The following GRM7 variants were observed in gnomAD, a reference collection of about 807,000 sequenced individuals.
GRM7 encodes the protein metabotropic glutamate receptor 7.
In GRM7, 35 loss-of-function variants were observed where a neutral mutation model predicts 84.5. The ratio of observed to expected loss-of-function variants is 0.41; its 90% CI spans 0.32 to 0.55. The LOEUF (loss-of-function observed/expected upper bound fraction) is 0.55. Ranked by LOEUF, GRM7 falls within the 20% of genes least tolerant of loss-of-function variation. GRM7 has a pLI of 0.19. For synonymous variants in GRM7, 487 were observed against 455.1 expected, an observed-to-expected ratio of 1.07 and a Z score of -0.89; for missense variants, 1,003 against 1,194.6, an observed-to-expected ratio of 0.84 and a Z score of 2.36.
intron 9 of GRM7, 67 bp downstream of exon 9, chr3:7,680,362 T>C (rs1700316120): frequency 1.3e-6 from 2 of 1,521,276 alleles, no homozygotes; most frequent in South Asian, 2.3e-5. Flanking sequence ...ATGTGGGGTG[T>C]GCTTGCCTCT....
intron 4 of GRM7, among the ~76,000 whole-genome samples, chr3:7,310,747 C>T (rs1211803650): frequency 1.3e-5 from 2 of 152,116 alleles, no homozygotes; most frequent in African/African-American, 4.8e-5. Context: ...TATAGTTGAG[C>T]CCAAACTACT....
intron 5 of GRM7, among the ~76,000 whole-genome samples, chr3:7,416,350 C>T (rs773109047): frequency 2.0e-5 from 3 of 152,120 alleles, no homozygotes; most frequent in Non-Finnish European, 2.9e-5. Flanking sequence ...TGATGACCTT[C>T]AGGTATACTA....
intron 7 of GRM7, among the ~76,000 whole-genome samples, chr3:7,530,042 T>A (rs1019300443): frequency 6.6e-6 from 1 of 151,890 alleles, no homozygotes; most frequent in Non-Finnish European, 1.5e-5. Flanking sequence ...GCAGCACCCA[T>A]CAACCTGTCA....
At chr3:7,667,789 A>C (rs940768977) in intron 8 of GRM7, among the ~76,000 whole-genome samples, 1 of 151,262 alleles carries the variant, frequency 6.6e-6, no homozygotes, top group Non-Finnish European at 1.5e-5. Context: ...TTAAAACTCT[A>C]GGAGAAATTA....
intron 7 of GRM7, among the ~76,000 whole-genome samples, chr3:7,535,520 C>T (rs763277440): frequency 1.2e-4 from 19 of 152,166 alleles, no homozygotes; most frequent in Non-Finnish European, 2.5e-4. Context: ...ACAGGAGGCA[C>T]CTCTATTCAC....
intron 2 of GRM7, among the ~76,000 whole-genome samples, chr3:7,234,885 A>T (rs898149442): frequency 6.6e-6 from 1 of 152,192 alleles, no homozygotes; most frequent in African/African-American, 2.4e-5. Flanking sequence ...CAGATCAAAA[A>T]GTCCTTCATT....
In GRM7 at chr3:7,687,782, T is replaced by C. The variant is rs548462312; in HGVS notation, c.2698+7487T>C. Among the ~76,000 whole-genome samples the C allele has an allele frequency of 4.6e-5, 7 of 152,324 alleles. No homozygotes were observed. In the South Asian group the frequency reaches 6.2e-4, roughly 14 times the overall value. ...AAATAAAATCTTTCTCTCTCTCTCT[T>C]TTATCCATTTAGTATGGTAAAACAG... On this transcript the variant is annotated intron_variant, in intron 9 of 9. Transcript: ENST00000357716.
intron 4 of GRM7, among the ~76,000 whole-genome samples, chr3:7,401,369 C>G (rs1044396827): frequency 2.0e-5 from 3 of 152,068 alleles, no homozygotes; most frequent in Non-Finnish European, 4.4e-5. Context: ...GTGTTGACCA[C>G]GTTTTGTTGT....
chr3:7,699,485 C>T (rs1430643325), intron 9 of GRM7, among the ~76,000 whole-genome samples: 4 of 152,150 alleles, frequency 2.6e-5, no homozygotes, highest in African/African-American at 9.7e-5. Context: ...AAACAAGTTA[C>T]TTTTATGAAA....
intron 7 of GRM7, among the ~76,000 whole-genome samples, chr3:7,546,921 G>C (rs1693182284): frequency 4.6e-5 from 7 of 152,118 alleles, no homozygotes; most frequent in Admixed American, 4.6e-4. Context: ...AAGCATTCTT[G>C]TTTGCCAGTT....
rs552743554 is a variant in GRM7 at position 7,371,591 on chromosome 3, ATAAAG to A, written c.1034-43428_1034-43424del. On this transcript the variant is annotated intron_variant, in intron 4 of 9. Coordinates refer to ENST00000357716, the MANE Select transcript of GRM7 (RefSeq NM_000844.4). ...CCAATACTGAGTGCTTTCTGCAAGT[ATAAAG>A]TAATTTAATTCTGAGCAATGCACAA... is the stretch of plus-strand genomic sequence containing the variant. Among the ~76,000 whole-genome samples the A allele has an allele frequency of 2.5e-3, 380 of 152,292 alleles. 2 individuals carry two copies. Among genetic ancestry groups the A allele is most frequent in the African/African-American group, 8.4e-3 (349 of 41,584 alleles).
chr3:7,084,463 G>T (rs1452342411), intron 1 of GRM7, among the ~76,000 whole-genome samples: 2 of 152,124 alleles, frequency 1.3e-5, no homozygotes, highest in African/African-American at 2.4e-5. Context: ...TCATATTAGG[G>T]ATATATGTTG....
intron 1 of GRM7, among the ~76,000 whole-genome samples, chr3:6,999,735 A>C (rs149962519): frequency 0.011 from 1,606 of 152,216 alleles, 17 homozygotes; most frequent in Non-Finnish European, 0.015. Flanking sequence ...AGGAAGGGAA[A>C]AGCCCCTTAT....
chr3:7,398,753 A>G (rs935383578), intron 4 of GRM7, among the ~76,000 whole-genome samples: 3 of 152,136 alleles, frequency 2.0e-5, no homozygotes, highest in Non-Finnish European at 4.4e-5. Context: ...CAAGAATGAC[A>G]TAAGAGCCTT....
chr3:6,903,802 A>T (rs770687720), intron 1 of GRM7, among the ~76,000 whole-genome samples: 38 of 152,022 alleles, frequency 2.5e-4, no homozygotes, highest in Middle Eastern at 3.2e-3. Context: ...TCACATTTTA[A>T]CTCTTGGAAA....
At chr3:7,740,242 C>T (rs890463950) in intron 9 of GRM7, 115 bp from the exon 10 acceptor site, 4 of 669,234 alleles carry the variant, frequency 6.0e-6, no homozygotes, top group South Asian at 2.0e-5. Flanking sequence ...GTGTGTTCTT[C>T]AGAGCTGTAT....
At chr3:6,972,019 T>TA (rs1373265987) in intron 1 of GRM7, among the ~76,000 whole-genome samples, 1 of 152,202 alleles carries the variant, frequency 6.6e-6, no homozygotes, top group African/African-American at 2.4e-5. Flanking sequence ...ATAATGTATC[T>TA]AACTTAATTT....
chr3:7,405,694 A>T (rs1297058552), intron 4 of GRM7, among the ~76,000 whole-genome samples: 3 of 152,182 alleles, frequency 2.0e-5, no homozygotes, highest in Non-Finnish European at 4.4e-5. Context: ...TATTCTATTG[A>T]ATGAGCATTT....
intron 1 of GRM7, among the ~76,000 whole-genome samples, chr3:7,057,827 A>C (rs1697280941): frequency 6.6e-6 from 1 of 151,896 alleles, no homozygotes; most frequent in South Asian, 2.1e-4. Flanking sequence ...TCTAGTGCAC[A>C]CTCTATCTCT....
Sources: allele counts gnomAD v4.1 joint callset (sites outside exome capture counted in the v4.1 genomes callset), GRCh38; gene constraint gnomAD v4.1.1; transcripts MANE v1.5; gene names NCBI Gene and HGNC (gene_info 2026-07-23, HGNC 2026-07-21).